Variants in DNAJC21 observed in about 807,000 individuals in gnomAD.
DNAJC21 encodes the protein dnaJ homolog subfamily C member 21.
A neutral mutation model predicts 72.4 loss-of-function variants in DNAJC21; 63 were observed. The ratio of observed to expected loss-of-function variants is 0.87; its 90% confidence interval spans 0.71 to 1.07. The LOEUF is 1.07. DNAJC21 is among the 50% of genes least tolerant of loss of function. DNAJC21 has a pLI of 0.00. For missense variants in DNAJC21, 634 were observed against 644.8 expected, an observed-to-expected ratio of 0.98 and a Z score of 0.18; for synonymous variants, 203 against 216.7, an observed-to-expected ratio of 0.94 and a Z score of 0.56.
intron 9 of DNAJC21, among the ~76,000 whole-genome samples, chr5:34,947,776 ATC>A (rs1297593063): frequency 6.7e-6 from 1 of 148,228 alleles, no homozygotes; most frequent in East Asian, 2.0e-4. Flanking sequence ...CTGTTCTGTT[ATC>A]TGTTTTTCTG....
chr5:34,949,815 T>C (rs1765299600), intron 9 of DNAJC21: 1 of 1,444,526 alleles, frequency 6.9e-7, no homozygotes, highest in Admixed American at 2.3e-5. Context: ...TAATTTTACC[T>C]GTAGAGATTA....
chr5:34,947,873 G>C (rs1018970257), intron 9 of DNAJC21, among the ~76,000 whole-genome samples: 1 of 151,366 alleles, frequency 6.6e-6, no homozygotes, highest in Non-Finnish European at 1.5e-5. Flanking sequence ...CCTCTTTTTC[G>C]TGAGTGCTTG....
rs574306683 is a variant in DNAJC21 at position 34,929,656 on chromosome 5, A to ACCGCCG, written c.-145_-140dup. On this transcript the variant is annotated 5_prime_UTR_variant, in exon 1 of 12. Transcript: ENST00000648817. ...CCGCGCGCCTTCACTGACCTACACC[A>ACCGCCG]CCGCCGCCGCCGCCGCCGCCGCCGG... 0.056 allele frequency: 8,663 copies of ACCGCCG among 155,396 alleles called. 355 individuals are homozygous for ACCGCCG. The highest frequency in any genetic ancestry group is 0.13 in the South Asian group (639 of 5,092). The allele number at this position is 155,396 out of a possible 1,614,324, so 9.6% of individuals were successfully genotyped here. A position where few individuals can be genotyped will look rare whatever the true frequency, so the allele number is the denominator to read the frequency against.
Position 34,945,801 on chromosome 5 carries a change from C to T in DNAJC21, c.1183C>T (p.Gln395Ter). 1 of 1,580,482 alleles carries T rather than the reference C, an allele frequency of 6.3e-7. No individual in the cohort carries two copies. Among genetic ancestry groups the T allele is most frequent in the East Asian group, 2.3e-5 (1 of 43,910 alleles). The change falls in exon 9 of 12, where the codon CAG becomes TAG. Residue 395 changes from glutamine (Q) to a stop codon, truncating the protein, a stop_gained and splice_region_variant. Transcript: ENST00000648817. LOFTEE classifies it high-confidence loss of function. ...GAAGAAAAAGAAACAGAAACCAGCA[C>T]AGGTATGTTAGAAAGGTTTTGTTAA... ...KQKKKKQKPA[Q>*]NYDDNFNVNG...
chr5:34,945,264 G>A (rs2112074079), intron 8 of DNAJC21, among the ~76,000 whole-genome samples: 1 of 152,234 alleles, frequency 6.6e-6, no homozygotes, highest in African/African-American at 2.4e-5. Flanking sequence ...TTTTAGTTGA[G>A]ACAGAGTTTC....
chr5:34,950,926 C>T, intron 10 of DNAJC21: 1 of 985,442 alleles, frequency 1.0e-6, no homozygotes, highest in Non-Finnish European at 1.2e-6. Context: ...CTCGGTTCCT[C>T]TAGAACAGAG....
chr5:34,949,032 C>T (rs951325103), intron 9 of DNAJC21, among the ~76,000 whole-genome samples: 1 of 152,074 alleles, frequency 6.6e-6, no homozygotes. Flanking sequence ...CAAGTATATT[C>T]GGTAAATGGT....
intron 4 of DNAJC21, among the ~76,000 whole-genome samples, chr5:34,936,493 A>G (rs1261068680): frequency 2.0e-5 from 3 of 151,966 alleles, no homozygotes; most frequent in Admixed American, 6.6e-5. Flanking sequence ...TAATTTGTCA[A>G]TTGTTTTGTA....
chr5:34,951,798 GCAGGTGT>G, intron 10 of DNAJC21: 1 of 985,332 alleles, frequency 1.0e-6, no homozygotes, highest in African/African-American at 1.7e-5. Context: ...TGCTGGGATT[GCAGGTGT>G]GAGCTACCGT....
At chr5:34,945,737 A>G in intron 8 of DNAJC21, 24 bp from the exon 9 acceptor site, 8 of 1,576,066 alleles carry the variant, frequency 5.1e-6, no homozygotes, top group Non-Finnish European at 6.9e-6. Flanking sequence ...AGTATTTGAC[A>G]TTTCGATTTA....
At position 34,950,441 on chromosome 5, in the gene DNAJC21, C is replaced by T. The variant is rs948413219; in HGVS notation, c.1358+99C>T. The T allele has an allele frequency of 3.4e-6, 5 of 1,470,046 alleles. No individual in the cohort carries two copies. The African/African-American group carries it at 5.7e-5, about 17-fold the overall frequency. The allele number at this position is 1,470,046 out of a possible 1,614,324, so 91.1% of individuals were successfully genotyped here. ...TAAAATCTTCTTTCCCATGACTGAC[C>T]AGGTAATTTAGATGTATCTGTACAT... is the stretch of plus-strand genomic sequence containing the variant. On this transcript the variant is annotated intron_variant, in intron 10 of 11. Transcript: ENST00000648817.
chr5:34,936,657 C>G (rs1014102556), intron 4 of DNAJC21, among the ~76,000 whole-genome samples: 5 of 152,180 alleles, frequency 3.3e-5, no homozygotes, highest in African/African-American at 4.8e-5. Context: ...CGAACCTATC[C>G]CATGACCTCT....
chr5:34,952,161 T>A (rs1218568174), intron 10 of DNAJC21: 2 of 982,922 alleles, frequency 2.0e-6, no homozygotes, highest in Non-Finnish European at 2.4e-6. Flanking sequence ...ATAGTATTTT[T>A]AAAAAATAAA....
chr5:34,939,427 G>A (rs1188021476), intron 6 of DNAJC21, among the ~76,000 whole-genome samples: 2 of 152,058 alleles, frequency 1.3e-5, no homozygotes, highest in South Asian at 2.1e-4. Context: ...CACCGCGCCC[G>A]GCTAATTTTT....
intron 6 of DNAJC21, among the ~76,000 whole-genome samples, chr5:34,940,623 T>C (rs1472309663): frequency 6.6e-6 from 1 of 152,220 alleles, no homozygotes; most frequent in East Asian, 1.9e-4. Flanking sequence ...GTTTATAATG[T>C]TAAACTTTAC....
intron 7 of DNAJC21, among the ~76,000 whole-genome samples, chr5:34,942,686 C>T (rs1438866856): frequency 6.6e-6 from 1 of 152,148 alleles, no homozygotes; most frequent in Non-Finnish European, 1.5e-5. Flanking sequence ...ACACGCTCAA[C>T]ACACACACAG....
chr5:34,947,656 GTT>G (rs11404640), intron 9 of DNAJC21, among the ~76,000 whole-genome samples: 4 of 87,286 alleles, frequency 4.6e-5, no homozygotes, highest in East Asian at 2.6e-4. Flanking sequence ...TTTTCACCAT[GTT>G]TTTTTTTTTT....
At chr5:34,950,480 TAC>T (rs938289694) in intron 10 of DNAJC21, 138 bp downstream of exon 10, 23 of 1,413,506 alleles carry the variant, frequency 1.6e-5, no homozygotes, top group East Asian at 2.6e-5. Context: ...TATGTATAGA[TAC>T]ACACACACAT....
chr5:34,930,040 G>A, intron 1 of DNAJC21, 124 bp downstream of exon 1: 1 of 664,296 alleles, frequency 1.5e-6, no homozygotes. Flanking sequence ...GGAGCTCCTT[G>A]CCCCGCCCGG....
Sources: gnomAD v4.1 joint callset for allele counts (sites outside exome capture counted in the v4.1 genomes callset) on GRCh38, gnomAD v4.1.1 for gene constraint, MANE v1.5 for transcripts, NCBI Gene and HGNC (gene_info 2026-07-23, HGNC 2026-07-21) for gene names.